CACNA2D1: variants seen among roughly 807,000 people sequenced by gnomAD.
The protein encoded by CACNA2D1 is calcium voltage-gated channel auxiliary subunit alpha2delta 1, also known as voltage-dependent calcium channel subunit alpha-2/delta-1.
A neutral mutation model predicts 171.5 loss-of-function variants in CACNA2D1; 53 were observed. That is an observed-to-expected ratio of 0.31 (90% CI 0.25 to 0.39). The LOEUF (loss-of-function observed/expected upper bound fraction) is 0.39. CACNA2D1 is among the 10% of genes least tolerant of loss of function. CACNA2D1 has a pLI of 1.00. For missense variants in CACNA2D1, 903 were observed against 1,299.8 expected, an observed-to-expected ratio of 0.69 and a Z score of 4.69; for synonymous variants, 442 against 443.1, an observed-to-expected ratio of 1.00 and a Z score of 0.03.
At chr7:82,187,615 A>T (rs1585044260) in intron 3 of CACNA2D1, among the ~76,000 whole-genome samples, 1 of 152,198 alleles carries the variant, frequency 6.6e-6, no homozygotes, top group East Asian at 1.9e-4. Flanking sequence ...CCATCAATGA[A>T]TTAGAATTGA....
In CACNA2D1 at chr7:82,398,703, G is replaced by A. The variant is rs150336048; in HGVS notation, c.95+44662C>T. Among the ~76,000 whole-genome samples the A allele has an allele frequency of 1.3e-3, 192 of 151,160 alleles. 2 individuals are homozygous for A. In the South Asian group the frequency reaches 0.013, roughly 10 times the overall value. Reference sequence around the variant, plus strand: ...AGGGGCCCTCCCACTTCAGCCTCCCGAGTAGCTGGGACTACAGGCGTGCAC... The same window carrying A: ...AGGGGCCCTCCCACTTCAGCCTCCCAAGTAGCTGGGACTACAGGCGTGCAC... On this transcript the variant is annotated intron_variant, in intron 1 of 38. Transcript: ENST00000356860.
rs73384018 is a variant in CACNA2D1, at chr7:82,395,480, T to G, written c.96-45831A>C. On this transcript the variant is annotated intron_variant, in intron 1 of 38. Transcript: ENST00000356860. ...TTAGTAGTAATTCAACGTAATGTAG[T>G]TACATATTTAAAAACCCTCTAAGCG... Among the ~76,000 whole-genome samples, 411 of 152,314 alleles carry G rather than the reference T, an allele frequency of 2.7e-3. 1 individual carries two copies. The highest frequency in any genetic ancestry group is 9.6e-3 in the African/African-American group (401 of 41,584).
intron 3 of CACNA2D1, among the ~76,000 whole-genome samples, chr7:82,321,902 G>A (rs990146147): frequency 4.0e-5 from 6 of 151,640 alleles, no homozygotes; most frequent in East Asian, 2.0e-4. Flanking sequence ...CGAGGCGGGC[G>A]GATCACGAGG....
intron 7 of CACNA2D1, among the ~76,000 whole-genome samples, chr7:82,074,065 T>C (rs1469189392): frequency 6.6e-6 from 1 of 152,176 alleles, no homozygotes; most frequent in Non-Finnish European, 1.5e-5. Flanking sequence ...CAATGAAGTT[T>C]GAACTGTACA....
rs531345784 is a variant in CACNA2D1 at position 82,396,343 on chromosome 7, A to G, written c.96-46694T>C. ...TATAAGAAATAAAAAATTAAAAAAT[A>G]CATAAATAAGATTTCTCTTTCCAAA... is the stretch of plus-strand genomic sequence containing the variant. On this transcript the variant is annotated intron_variant, in intron 1 of 38. Coordinates refer to ENST00000356860, the MANE Select transcript of CACNA2D1 (RefSeq NM_000722.4). 1.9e-3 allele frequency among the ~76,000 whole-genome samples: 296 copies of G among 152,306 alleles called. 1 individual carries two copies. Among genetic ancestry groups the G allele is most frequent in the South Asian group, 9.5e-3 (46 of 4,824 alleles).
intron 14 of CACNA2D1, among the ~76,000 whole-genome samples, chr7:82,012,444 A>G (rs534238749): frequency 2.6e-5 from 4 of 152,212 alleles, no homozygotes; most frequent in African/African-American, 9.6e-5. Flanking sequence ...ACAATATTTG[A>G]CTTACATTAT....
intron 21 of CACNA2D1, among the ~76,000 whole-genome samples, chr7:81,990,490 G>A (rs1263262340): frequency 1.3e-5 from 2 of 151,890 alleles, no homozygotes; most frequent in East Asian, 3.9e-4. Context: ...TTAAGAAGGA[G>A]GAATAGCAGG....
chr7:81,949,523 T>C lies in CACNA2D1; in HGVS notation c.*869A>G, dbSNP rs1197009734. On this transcript the variant is annotated 3_prime_UTR_variant, in exon 39 of 39. Coordinates refer to ENST00000356860, the MANE Select transcript of CACNA2D1 (RefSeq NM_000722.4). The stretch of plus-strand genomic sequence containing the variant: ...AATACCCTTGGTAAACCAAAGTTCA[T>C]TTATCACAAGAAAAACATTTCCCCC... 5 of 152,152 alleles carry C rather than the reference T, an allele frequency of 3.3e-5. No homozygotes were observed. The highest frequency in any genetic ancestry group is 5.9e-5 in the Non-Finnish European group (4 of 68,074). The allele number at this position is 152,152 out of a possible 1,614,324, so 9.4% of individuals were successfully genotyped here. A position where few individuals can be genotyped will look rare whatever the true frequency, so the allele number is the denominator to read the frequency against.
intron 5 of CACNA2D1, 120 bp from the exon 6 acceptor site, chr7:82,117,293 A>T: frequency 2.1e-6 from 2 of 965,806 alleles, no homozygotes; most frequent in South Asian, 2.8e-5. Flanking sequence ...CAATTGTTTA[A>T]AATATAGTAC....
rs138025683 is a variant in CACNA2D1, at chr7:82,293,012, A to T, written c.294+42123T>A. On this transcript the variant is annotated intron_variant, in intron 3 of 38. Coordinates refer to ENST00000356860, the MANE Select transcript of CACNA2D1 (RefSeq NM_000722.4). ...TCTTTCTTTTCGGAAACCTTATTTT[A>T]TACTTCATAGACTGATCTAATTTCC... 2.7e-3 allele frequency among the ~76,000 whole-genome samples: 405 copies of T among 152,052 alleles called. 3 individuals carry two copies. Among genetic ancestry groups the T allele is most frequent in the African/African-American group, 9.1e-3 (380 of 41,534 alleles).
chr7:82,151,553 G>T (rs551991947), intron 4 of CACNA2D1, among the ~76,000 whole-genome samples: 2 of 151,996 alleles, frequency 1.3e-5, no homozygotes, highest in Non-Finnish European at 2.9e-5. Context: ...GAAGAAATTT[G>T]GATGGTTTTT....
chr7:82,022,770 T>G (rs1801389481), intron 12 of CACNA2D1, among the ~76,000 whole-genome samples: 1 of 151,928 alleles, frequency 6.6e-6, no homozygotes, highest in Non-Finnish European at 1.5e-5. Context: ...TAAAGTGAAT[T>G]CTTTAAAATA....
intron 1 of CACNA2D1, among the ~76,000 whole-genome samples, chr7:82,393,629 A>G (rs1480269078): frequency 6.6e-6 from 1 of 152,194 alleles, no homozygotes; most frequent in Non-Finnish European, 1.5e-5. Context: ...ATCCACCTAT[A>G]CAAATATCTG....
chr7:81,951,970 T>TTTTTTTTTTGTTTGTTTG (rs1554321664), intron 38 of CACNA2D1, among the ~76,000 whole-genome samples: 42 of 23,982 alleles, frequency 1.8e-3, no homozygotes, highest in African/African-American at 5.3e-3. Context: ...GTACAAAGTG[T>TTTTTTTTTTGTTTGTTTG]TTTTTTTTTT....
At chr7:82,145,455 A>G (rs1314270503) in intron 4 of CACNA2D1, among the ~76,000 whole-genome samples, 1 of 131,784 alleles carries the variant, frequency 7.6e-6, no homozygotes, top group African/African-American at 2.7e-5. Flanking sequence ...TAATTTTTAT[A>G]TATGTTTATA....
chr7:82,295,487 C>T (rs1812152375), intron 3 of CACNA2D1, among the ~76,000 whole-genome samples: 1 of 151,828 alleles, frequency 6.6e-6, no homozygotes, highest in Non-Finnish European at 1.5e-5. Context: ...CAGCTGTACA[C>T]CACTATGCAC....
chr7:82,151,122 A>C lies in CACNA2D1; in HGVS notation c.355-14446T>G, dbSNP rs1793812735. Among the ~76,000 whole-genome samples, 7 of 152,276 alleles carry C rather than the reference A, an allele frequency of 4.6e-5. No homozygotes were observed. The South Asian group carries it at 1.4e-3, about 32-fold the overall frequency. Reference sequence around the variant, plus strand: ...TTCTCAACAAATTCAAAAGACTCTCAACATAGCCCTAGTTAAATTGTATTC... The same window carrying C: ...TTCTCAACAAATTCAAAAGACTCTCCACATAGCCCTAGTTAAATTGTATTC... On this transcript the variant is annotated intron_variant, in intron 4 of 38. Transcript: ENST00000356860.
rs555410151 is a variant in CACNA2D1, at chr7:82,110,615, T to G, written c.526+6429A>C. On this transcript the variant is annotated intron_variant, in intron 6 of 38. Coordinates refer to ENST00000356860, the MANE Select transcript of CACNA2D1 (RefSeq NM_000722.4). The stretch of plus-strand genomic sequence containing the variant: ...GCTGCTACCCCTGCTCCCCGTTCGC[T>G]TGCTAACTCTGCTCTGGCCACAATG... Among the ~76,000 whole-genome samples the G allele has an allele frequency of 7.2e-5, 11 of 152,330 alleles. No homozygotes were observed. The East Asian group carries it at 1.5e-3, about 21-fold the overall frequency.
At chr7:82,317,284 G>A (rs780130367) in intron 3 of CACNA2D1, among the ~76,000 whole-genome samples, 3 of 152,138 alleles carry the variant, frequency 2.0e-5, no homozygotes, top group Non-Finnish European at 2.9e-5. Context: ...CAACAAAAAT[G>A]TACACTGCCA....
Sources: allele counts gnomAD v4.1 joint callset (sites outside exome capture counted in the v4.1 genomes callset), GRCh38; gene constraint gnomAD v4.1.1; transcripts MANE v1.5; gene names NCBI Gene and HGNC (gene_info 2026-07-23, HGNC 2026-07-21).